LUZP2: variants seen among roughly 807,000 people sequenced by gnomAD.
LUZP2 encodes leucine zipper protein 2.
Under a neutral mutation model 51.6 loss-of-function variants are expected in LUZP2, and 52 were observed. The observed-to-expected ratio is 1.01, with a 90% CI of 0.81 to 1.27. The LOEUF (loss-of-function observed/expected upper bound fraction) is 1.27, where lower values mean the gene tolerates loss of function less well. Ranked by LOEUF, LUZP2 falls within the 50% of genes most tolerant of loss-of-function variation. The pLI is 0.00. For synonymous variants in LUZP2, 154 were observed against 137.3 expected (o/e 1.12, Z -0.85); for missense variants, 436 against 395.4 (o/e 1.10, Z -0.87).
At chr11:24,732,270 A>AGG (rs1190178573) in intron 3 of LUZP2, 82 bp downstream of exon 3, 1 of 972,962 alleles carries the variant, frequency 1.0e-6, no homozygotes, top group Non-Finnish European at 1.5e-6. Flanking sequence ...TATTGATTCT[A>AGG]AATATATGAA....
intron 7 of LUZP2, among the ~76,000 whole-genome samples, chr11:24,973,364 G>GTTTTTTTT (rs369095558): frequency 6.8e-5 from 7 of 103,000 alleles, no homozygotes; most frequent in Non-Finnish European, 1.3e-4. Context: ...ATATTTATTA[G>GTTTTTTTT]TTTTTTTTTT....
intron 9 of LUZP2, among the ~76,000 whole-genome samples, chr11:25,017,008 A>G (rs1857179423): frequency 6.6e-6 from 1 of 151,784 alleles, no homozygotes; most frequent in South Asian, 2.1e-4. Context: ...TTTAATTTGC[A>G]TTTCCCTAAT....
At chr11:24,858,803 C>A (rs1445456421) in intron 5 of LUZP2, among the ~76,000 whole-genome samples, 2 of 152,132 alleles carry the variant, frequency 1.3e-5, no homozygotes, top group East Asian at 1.9e-4. Context: ...ACAACAAATA[C>A]AAGAAATAAA....
rs532048453 is a variant in LUZP2 at position 24,530,308 on chromosome 11, C to T, written c.62+33003C>T. Among the ~76,000 whole-genome samples the T allele has an allele frequency of 3.3e-5, 5 of 150,930 alleles. No homozygotes were observed. In the Admixed American group the frequency reaches 3.3e-4, roughly 10 times the overall value. ...CATATTTGACTTGACAATTTTTCTG[C>T]TCGACATCTGTAATAGTTGTTAAGT... is the stretch of plus-strand genomic sequence containing the variant. On this transcript the variant is annotated intron_variant, in intron 1 of 11. Transcript: ENST00000336930.
At chr11:24,904,604 A>G (rs1365391041) in intron 5 of LUZP2, among the ~76,000 whole-genome samples, 1 of 152,036 alleles carries the variant, frequency 6.6e-6, no homozygotes, top group Non-Finnish European at 1.5e-5. Flanking sequence ...TTTTTGATAA[A>G]TCATATTATT....
At chr11:24,909,042 T>C (rs1338995236) in intron 6 of LUZP2, among the ~76,000 whole-genome samples, 1 of 151,994 alleles carries the variant, frequency 6.6e-6, no homozygotes, top group African/African-American at 2.4e-5. Flanking sequence ...ATTACAGGCA[T>C]GAGCCACCGC....
intron 1 of LUZP2, among the ~76,000 whole-genome samples, chr11:24,698,879 G>T (rs1857332047): frequency 6.6e-6 from 1 of 151,910 alleles, no homozygotes; most frequent in South Asian, 2.1e-4. Flanking sequence ...AACAACTGGA[G>T]ACCCAGTCTC....
At chr11:24,578,001 T>C (rs1852714872) in intron 1 of LUZP2, among the ~76,000 whole-genome samples, 1 of 152,174 alleles carries the variant, frequency 6.6e-6, no homozygotes, top group African/African-American at 2.4e-5. Context: ...TCTTTGTTTC[T>C]AAGAGCTCAG....
intron 9 of LUZP2, among the ~76,000 whole-genome samples, chr11:24,998,735 C>T (rs1856585849): frequency 6.6e-6 from 1 of 152,116 alleles, no homozygotes; most frequent in South Asian, 2.1e-4. Flanking sequence ...GGCTCTCTTT[C>T]AGGTATTCAA....
intron 5 of LUZP2, among the ~76,000 whole-genome samples, chr11:24,808,679 C>T (rs1849927351): frequency 6.6e-6 from 1 of 152,100 alleles, no homozygotes; most frequent in Admixed American, 6.6e-5. Context: ...GCTTACTGTG[C>T]AAGTTGGTCT....
chr11:24,880,770 G>GT (rs1852436808), intron 5 of LUZP2, among the ~76,000 whole-genome samples: 2 of 152,098 alleles, frequency 1.3e-5, no homozygotes, highest in African/African-American at 4.8e-5. Context: ...GTATGTGTGT[G>GT]TGTATGTGTG....
chr11:24,903,021 C>A (rs2133782276), intron 5 of LUZP2, among the ~76,000 whole-genome samples: 1 of 152,212 alleles, frequency 6.6e-6, no homozygotes, highest in Middle Eastern at 3.4e-3. Flanking sequence ...ATAGTTATTT[C>A]TTAATTCTAA....
At chr11:24,811,432 T>A (rs1480904716) in intron 5 of LUZP2, among the ~76,000 whole-genome samples, 1 of 152,202 alleles carries the variant, frequency 6.6e-6, no homozygotes, top group African/African-American at 2.4e-5. Context: ...CGCTGTCTTA[T>A]CTGACATAGT....
At chr11:24,964,468 T>C (rs1413245169) in intron 7 of LUZP2, among the ~76,000 whole-genome samples, 1 of 152,156 alleles carries the variant, frequency 6.6e-6, no homozygotes, top group Non-Finnish European at 1.5e-5. Context: ...ATTTTCATAA[T>C]TGATCAGCAA....
At chr11:24,783,509 T>G (rs932533423) in intron 5 of LUZP2, among the ~76,000 whole-genome samples, 2 of 152,064 alleles carry the variant, frequency 1.3e-5, no homozygotes, top group Non-Finnish European at 2.9e-5. Context: ...TTAATACTGT[T>G]TCTTCCAAGT....
At chr11:24,933,672 T>C (rs1481637402) in intron 7 of LUZP2, among the ~76,000 whole-genome samples, 1 of 152,120 alleles carries the variant, frequency 6.6e-6, no homozygotes, top group African/African-American at 2.4e-5. Context: ...TGAGAAGAGT[T>C]TGTCAAATGT....
At chr11:24,808,584 A>G (rs1306433391) in intron 5 of LUZP2, among the ~76,000 whole-genome samples, 1 of 152,152 alleles carries the variant, frequency 6.6e-6, no homozygotes, top group Non-Finnish European at 1.5e-5. Context: ...TGATTTATTT[A>G]AATTTCTTAT....
intron 9 of LUZP2, among the ~76,000 whole-genome samples, chr11:24,984,899 A>G (rs1856148700): frequency 6.6e-6 from 1 of 151,438 alleles, no homozygotes; most frequent in Non-Finnish European, 1.5e-5. Context: ...GCCCTTGGTC[A>G]TCCCTTGAAT....
intron 9 of LUZP2, among the ~76,000 whole-genome samples, chr11:25,029,736 CAA>C (rs372357127): frequency 1.5e-4 from 17 of 114,510 alleles, no homozygotes; most frequent in Non-Finnish European, 1.8e-4. Context: ...GACTCTGTCT[CAA>C]AAAAAAAAAA....
Sources: gnomAD v4.1 joint callset for allele counts (sites outside exome capture counted in the v4.1 genomes callset) on GRCh38, gnomAD v4.1.1 for gene constraint, MANE v1.5 for transcripts, NCBI Gene and HGNC (gene_info 2026-07-23, HGNC 2026-07-21) for gene names.